The following RGS17 variants were observed in gnomAD, a reference collection of about 807,000 sequenced individuals.
RGS17 encodes the protein regulator of G protein signaling 17.
In RGS17, 12 loss-of-function variants were observed where a neutral mutation model predicts 25.5. The ratio of observed to expected loss-of-function variants is 0.47; its 90% CI spans 0.30 to 0.76. RGS17 has a LOEUF of 0.76. RGS17 is among the 30% of genes least tolerant of loss of function. The pLI is 0.07. For synonymous variants in RGS17, 71 were observed against 76.9 expected (o/e 0.92, Z 0.40); for missense variants, 196 against 242.2 (o/e 0.81, Z 1.27).
chr6:153,019,157 C>T (rs1454465705), intron 4 of RGS17, among the ~76,000 whole-genome samples: 2 of 152,188 alleles, frequency 1.3e-5, no homozygotes, highest in African/African-American at 2.4e-5. Flanking sequence ...TCATTCATAA[C>T]ACTAGGACGT....
chr6:153,006,982 A>G lies in RGS17; in HGVS notation c.*4592T>C, dbSNP rs1779082973. The G allele has an allele frequency of 6.6e-6, 1 of 152,220 alleles. No individual in the cohort carries two copies. The highest frequency in any genetic ancestry group is 6.5e-5 in the Admixed American group (1 of 15,282). 9.4% of individuals were successfully genotyped at this position (152,220 alleles called of 1,614,324 possible). A position where few individuals can be genotyped will look rare whatever the true frequency, so the allele number is the denominator to read the frequency against. ...TCATCTTATAGCTTTTGTCATAGGA[A>G]GAAAATCAGTTCCCAAACTGGGACC... On this transcript the variant is annotated 3_prime_UTR_variant, in exon 5 of 5. Transcript: ENST00000206262.
intron 2 of RGS17, among the ~76,000 whole-genome samples, chr6:153,038,881 A>G (rs1166870036): frequency 2.6e-5 from 4 of 152,214 alleles, no homozygotes; most frequent in African/African-American, 9.6e-5. Context: ...GGGGCAGCCC[A>G]AAGCATATTT....
intron 1 of RGS17, among the ~76,000 whole-genome samples, chr6:153,106,628 T>C (rs546685457): frequency 2.0e-5 from 3 of 151,966 alleles, no homozygotes; most frequent in Non-Finnish European, 4.4e-5. Flanking sequence ...AACATGCCAA[T>C]GACATTAATT....
At chr6:153,038,826 T>C (rs1477825284) in intron 2 of RGS17, among the ~76,000 whole-genome samples, 1 of 152,204 alleles carries the variant, frequency 6.6e-6, no homozygotes. Context: ...ATTTTTGCAC[T>C]GTTTTGAATT....
chr6:153,041,613 T>A (rs1040142867), intron 2 of RGS17, among the ~76,000 whole-genome samples: 2 of 152,208 alleles, frequency 1.3e-5, no homozygotes, highest in Non-Finnish European at 2.9e-5. Flanking sequence ...GGTGTTTTAA[T>A]CCCAAAGCAA....
chr6:153,117,501 A>G (rs1480219648), intron 1 of RGS17, among the ~76,000 whole-genome samples: 1 of 152,212 alleles, frequency 6.6e-6, no homozygotes, highest in African/African-American at 2.4e-5. Flanking sequence ...TTGCCATGAT[A>G]TAGGACTCTT....
intron 1 of RGS17, among the ~76,000 whole-genome samples, chr6:153,054,092 T>TATATATATATGTGTATA (rs1393844507): frequency 4.8e-5 from 2 of 42,090 alleles, no homozygotes; most frequent in African/African-American, 2.3e-4. Context: ...ACAATATTTT[T>TATATATATATGTGTATA]TATATATATA....
chr6:153,080,506 T>A (rs1776958989), intron 1 of RGS17, among the ~76,000 whole-genome samples: 2 of 152,074 alleles, frequency 1.3e-5, no homozygotes, highest in Non-Finnish European at 2.9e-5. Context: ...TTATCAATAA[T>A]CTCTATTGTT....
At chr6:153,070,786 T>G (rs1776782407) in intron 1 of RGS17, among the ~76,000 whole-genome samples, 1 of 151,236 alleles carries the variant, frequency 6.6e-6, no homozygotes, top group South Asian at 2.1e-4. Context: ...CATATACATA[T>G]ATACACATAC....
At chr6:153,085,561 A>G (rs887824689) in intron 1 of RGS17, among the ~76,000 whole-genome samples, 3 of 152,222 alleles carry the variant, frequency 2.0e-5, no homozygotes, top group Non-Finnish European at 2.9e-5. Flanking sequence ...AGAATAAGGG[A>G]AGCAGTGCAT....
chr6:153,020,235 C>T (rs1779235243), intron 4 of RGS17, among the ~76,000 whole-genome samples: 1 of 144,930 alleles, frequency 6.9e-6, no homozygotes, highest in Non-Finnish European at 1.5e-5. Flanking sequence ...CTCACTGCAA[C>T]CTCCGCCTCC....
chr6:153,128,694 G>A (rs2129128053), intron 1 of RGS17, among the ~76,000 whole-genome samples: 1 of 152,186 alleles, frequency 6.6e-6, no homozygotes, highest in South Asian at 2.1e-4. Flanking sequence ...GAAATGTTAA[G>A]GAAGGTTTAT....
intron 1 of RGS17, among the ~76,000 whole-genome samples, chr6:153,126,318 G>T (rs1407670305): frequency 6.6e-6 from 1 of 152,190 alleles, no homozygotes; most frequent in African/African-American, 2.4e-5. Context: ...TCATAGTAAG[G>T]TGTTTGTGAG....
At position 153,105,215 on chromosome 6, in the gene RGS17, C is replaced by T. The variant is rs1275687415; in HGVS notation, c.-26+25909G>A. ...AACTCTGTCCTAGGCATCCCAAATA[C>T]GTCTACTTCATCGTCCAATTTAATC... On this transcript the variant is annotated intron_variant, in intron 1 of 4. Transcript: ENST00000206262. Among the ~76,000 whole-genome samples the T allele has an allele frequency of 3.3e-5, 5 of 152,070 alleles. No homozygotes were observed. In the South Asian group the frequency reaches 1.0e-3, roughly 31 times the overall value.
At chr6:153,043,181 C>G (rs754483177) in intron 2 of RGS17, among the ~76,000 whole-genome samples, 3 of 152,162 alleles carry the variant, frequency 2.0e-5, no homozygotes, top group Non-Finnish European at 4.4e-5. Flanking sequence ...AACTCTTCAT[C>G]ATTTTGCCAA....
Position 153,067,669 on chromosome 6 carries a change from A to C in RGS17, c.-25-23626T>G, listed in dbSNP as rs77658780. On this transcript the variant is annotated intron_variant, in intron 1 of 4. Transcript: ENST00000206262. ...TGAAATAAATTGAAGAGGACACCAAAAAATGGAAAGTTATTTCTTGTCCAT... is the reference window on the plus strand; with the variant it reads ...TGAAATAAATTGAAGAGGACACCAACAAATGGAAAGTTATTTCTTGTCCAT... Among the ~76,000 whole-genome samples, 613 of 152,318 alleles carry C rather than the reference A, an allele frequency of 4.0e-3. 11 individuals carry two copies. In the East Asian group the frequency reaches 0.069, roughly 17 times the overall value.
intron 1 of RGS17, among the ~76,000 whole-genome samples, chr6:153,124,024 C>T (rs985550394): frequency 6.6e-6 from 1 of 152,186 alleles, no homozygotes; most frequent in African/African-American, 2.4e-5. Flanking sequence ...GAGCCACTTC[C>T]TGCTTTTCTT....
chr6:153,020,128 ATATATATATATTTTTTT>A (rs1779229607), intron 4 of RGS17, among the ~76,000 whole-genome samples: 1 of 93,130 alleles, frequency 1.1e-5, no homozygotes, highest in African/African-American at 4.2e-5. Flanking sequence ...ATATATATAT[ATATATATATATTTTTTT>A]TTTTTTTTTT....
At chr6:153,082,198 G>A (rs992098375) in intron 1 of RGS17, among the ~76,000 whole-genome samples, 11 of 152,064 alleles carry the variant, frequency 7.2e-5, no homozygotes, top group African/African-American at 2.7e-4. Context: ...GTGTATATTG[G>A]CGTGGTTTAT....
Sources: allele counts gnomAD v4.1 joint callset (sites outside exome capture counted in the v4.1 genomes callset), GRCh38; gene constraint gnomAD v4.1.1; transcripts MANE v1.5; gene names NCBI Gene and HGNC (gene_info 2026-07-23, HGNC 2026-07-21).